Variants in ITGBL1 observed in about 807,000 individuals in gnomAD.
The protein encoded by ITGBL1 is integrin subunit beta like 1, also known as integrin beta-like protein 1.
Under a neutral mutation model 68.5 loss-of-function variants are expected in ITGBL1, and 51 were observed. The observed-to-expected ratio is 0.74, with a 90% CI of 0.59 to 0.94. The LOEUF is 0.94. ITGBL1 is among the 40% of genes least tolerant of loss of function. ITGBL1 has a pLI of 0.00. For missense variants in ITGBL1, 649 were observed against 647.4 expected (o/e 1.00, Z -0.03); for synonymous variants, 209 against 227.3 (o/e 0.92, Z 0.72).
intron 7 of ITGBL1, among the ~76,000 whole-genome samples, chr13:101,674,921 T>G (rs1268614537): frequency 6.6e-6 from 1 of 152,112 alleles, no homozygotes; most frequent in Non-Finnish European, 1.5e-5. Context: ...TCTCTTTCTC[T>G]TTTTGATCTT....
intron 2 of ITGBL1, among the ~76,000 whole-genome samples, chr13:101,520,436 C>G (rs944541209): frequency 2.0e-5 from 3 of 151,914 alleles, no homozygotes; most frequent in Non-Finnish European, 4.4e-5. Context: ...GTGATAGTAG[C>G]CAATGATAGA....
At chr13:101,696,744 C>A (rs1183221408) in intron 8 of ITGBL1, among the ~76,000 whole-genome samples, 1 of 152,180 alleles carries the variant, frequency 6.6e-6, no homozygotes, top group African/African-American at 2.4e-5. Context: ...TAATCAATCT[C>A]TCTCTCTCAT....
intron 2 of ITGBL1, among the ~76,000 whole-genome samples, chr13:101,566,169 G>A (rs1053482302): frequency 3.9e-5 from 6 of 152,060 alleles, no homozygotes; most frequent in African/African-American, 1.4e-4. Flanking sequence ...ATAAGAAACA[G>A]CTGATATTCA....
chr13:101,564,882 TA>T (rs977871290), intron 2 of ITGBL1, among the ~76,000 whole-genome samples: 16 of 151,546 alleles, frequency 1.1e-4, no homozygotes, highest in African/African-American at 3.6e-4. Flanking sequence ...TAATAAAATT[TA>T]AAAAAAGAAG....
chr13:101,650,558 A>T (rs2032712888), intron 7 of ITGBL1, among the ~76,000 whole-genome samples: 1 of 152,134 alleles, frequency 6.6e-6, no homozygotes, highest in African/African-American at 2.4e-5. Flanking sequence ...AAATTTTGAG[A>T]AATACAAAAA....
At chr13:101,525,463 C>T (rs532607549) in intron 2 of ITGBL1, among the ~76,000 whole-genome samples, 1 of 90,056 alleles carries the variant, frequency 1.1e-5, no homozygotes, top group South Asian at 4.6e-4. Flanking sequence ...ACATTTTCAT[C>T]ACCTCCTTTT....
At chr13:101,611,791 C>G (rs1401015253) in intron 7 of ITGBL1, among the ~76,000 whole-genome samples, 2 of 152,078 alleles carry the variant, frequency 1.3e-5, no homozygotes, top group African/African-American at 4.8e-5. Context: ...TGTGTTCTGA[C>G]TCATCCGGAC....
chr13:101,504,365 A>G lies in ITGBL1; in HGVS notation c.316+50265A>G, dbSNP rs192717229. ...AAATGACAATCTGACACCCAAGTCC[A>G]AGCTCTTAACTACTATTTTACACTG... On this transcript the variant is annotated intron_variant, in intron 2 of 10. Transcript: ENST00000376180. Among the ~76,000 whole-genome samples the G allele has an allele frequency of 3.1e-3, 475 of 152,278 alleles. 2 individuals carry two copies. The highest frequency in any genetic ancestry group is 4.9e-3 in the Non-Finnish European group (332 of 68,030).
chr13:101,692,601 CA>C lies in ITGBL1; in HGVS notation c.1035del (p.Lys345AsnfsTer62), dbSNP rs773194899. 6.2e-7 allele frequency: 1 copy of C among 1,612,574 alleles called. No homozygotes were observed. The highest frequency in any genetic ancestry group is 8.5e-7 in the Non-Finnish European group (1 of 1,178,686). On this transcript the variant is annotated frameshift_variant, in exon 8 of 11. Transcript: ENST00000376180. LOFTEE classifies it high-confidence loss of function. ...ACTTTCCAGGTAAATGTGAATGTGG[CA>C]AATGCACCTGCTATCCTCCAGGAGA... ...CSGRGKCECG[K>X]CTCYPPGDRR... is the part of the protein sequence containing the mutation.
In ITGBL1 at chr13:101,598,319, G is replaced by C; in HGVS notation, c.1015+20G>C. 6.4e-7 allele frequency: 1 copy of C among 1,562,012 alleles called. No individual in the cohort carries two copies. Among genetic ancestry groups the C allele is most frequent in the Non-Finnish European group, 8.7e-7 (1 of 1,155,402 alleles). ...GGAGGGGTAAGTGAGGTCTCTCAGG[G>C]CTTCCCACGGCCTCTCCATCACAAT... On this transcript the variant is annotated intron_variant, in intron 7 of 10. Transcript: ENST00000376180.
At chr13:101,696,899 G>A (rs193199768) in intron 8 of ITGBL1, among the ~76,000 whole-genome samples, 82 of 152,270 alleles carry the variant, frequency 5.4e-4, no homozygotes, top group African/African-American at 1.8e-3. Context: ...GTTGAGGTGA[G>A]GATGTGATTT....
intron 2 of ITGBL1, among the ~76,000 whole-genome samples, chr13:101,542,070 A>C (rs892076816): frequency 5.9e-5 from 9 of 151,862 alleles, no homozygotes; most frequent in African/African-American, 2.2e-4. Flanking sequence ...TTCTGCTCTG[A>C]TCTTAGTTAT....
chr13:101,703,077 C>A (rs2034171847), intron 8 of ITGBL1, among the ~76,000 whole-genome samples: 1 of 151,766 alleles, frequency 6.6e-6, no homozygotes, highest in Admixed American at 6.6e-5. Context: ...ACAGTGCTGA[C>A]AGAAGTAATA....
At position 101,579,435 on chromosome 13, in the gene ITGBL1, A is replaced by G; in HGVS notation, c.727+8A>G. Reference sequence around the variant, plus strand: ...AAATCTGCAGTAACAGAGGTGTGTCATTCATACATGTTACTACATAATGGG... The same window carrying G: ...AAATCTGCAGTAACAGAGGTGTGTCGTTCATACATGTTACTACATAATGGG... On this transcript the variant is annotated splice_region_variant and intron_variant, in intron 5 of 10. Coordinates refer to ENST00000376180, the MANE Select transcript of ITGBL1 (RefSeq NM_004791.3). 6.2e-7 allele frequency: 1 copy of G among 1,613,336 alleles called. No homozygotes were observed. Among genetic ancestry groups the G allele is most frequent in the Non-Finnish European group, 8.5e-7 (1 of 1,179,598 alleles).
At chr13:101,481,891 A>T (rs1337084411) in intron 2 of ITGBL1, among the ~76,000 whole-genome samples, 1 of 152,152 alleles carries the variant, frequency 6.6e-6, no homozygotes, top group Non-Finnish European at 1.5e-5. Context: ...CAAGGTGATT[A>T]GCGTATCCAT....
At chr13:101,458,628 G>C (rs1212770218) in intron 2 of ITGBL1, among the ~76,000 whole-genome samples, 1 of 150,192 alleles carries the variant, frequency 6.7e-6, no homozygotes, top group African/African-American at 2.5e-5. Flanking sequence ...TGGATACCAA[G>C]GATGTTCCAG....
At chr13:101,455,473 C>T (rs1029094106) in intron 2 of ITGBL1, among the ~76,000 whole-genome samples, 3 of 151,882 alleles carry the variant, frequency 2.0e-5, no homozygotes, top group African/African-American at 7.3e-5. Flanking sequence ...TCAAGACCAG[C>T]CTCGCCAACT....
rs1053652654 is a variant in ITGBL1 at position 101,637,430 on chromosome 13, G to A, written c.1015+39131G>A. On this transcript the variant is annotated intron_variant, in intron 7 of 10. Transcript: ENST00000376180. Reference sequence around the variant, plus strand: ...GCGATCTGGGCTCACTGCAACCACCGCCTCCTGGGTTCAAGCCATTCTCCT... The same window carrying A: ...GCGATCTGGGCTCACTGCAACCACCACCTCCTGGGTTCAAGCCATTCTCCT... 1.4e-4 allele frequency among the ~76,000 whole-genome samples: 21 copies of A among 145,906 alleles called. 1 individual carries two copies. In the East Asian group the frequency reaches 2.5e-3, roughly 17 times the overall value.
intron 2 of ITGBL1, among the ~76,000 whole-genome samples, chr13:101,495,431 A>G (rs1054706248): frequency 8.2e-4 from 125 of 152,088 alleles, no homozygotes; most frequent in Non-Finnish European, 1.5e-3. Flanking sequence ...TTCCCTTCCT[A>G]GAGTCCTCTC....
Sources: allele counts gnomAD v4.1 joint callset (sites outside exome capture counted in the v4.1 genomes callset), GRCh38; gene constraint gnomAD v4.1.1; transcripts MANE v1.5; gene names NCBI Gene and HGNC (gene_info 2026-07-23, HGNC 2026-07-21).